The following AMBRA1 variants were observed in gnomAD, a reference collection of about 807,000 sequenced individuals.
AMBRA1 encodes autophagy and beclin 1 regulator 1.
In AMBRA1, 47 loss-of-function variants were observed where a neutral mutation model predicts 125.4. That is an observed-to-expected ratio of 0.37 (90% confidence interval 0.30 to 0.48). The LOEUF (loss-of-function observed/expected upper bound fraction) is 0.48, where lower values mean the gene tolerates loss of function less well. AMBRA1 is among the 20% of genes least tolerant of loss of function. The pLI, the probability that AMBRA1 is intolerant of heterozygous loss-of-function variation, is 0.99. For missense variants in AMBRA1, 1,331 were observed against 1,693.4 expected, an observed-to-expected ratio of 0.79 and a Z score of 3.76; for synonymous variants, 626 against 655.5, an observed-to-expected ratio of 0.95 and a Z score of 0.69.
chr11:46,411,120 A>G (rs1946274409), intron 15 of AMBRA1, among the ~76,000 whole-genome samples: 1 of 151,332 alleles, frequency 6.6e-6, no homozygotes, highest in African/African-American at 2.4e-5. Flanking sequence ...AAAAAGAAAA[A>G]AAAAAAAAAG....
chr11:46,498,755 A>G (rs1477642387), intron 9 of AMBRA1, among the ~76,000 whole-genome samples: 1 of 152,180 alleles, frequency 6.6e-6, no homozygotes, highest in Non-Finnish European at 1.5e-5. Context: ...GCCTTTATAA[A>G]TGAAGCTCTT....
intron 9 of AMBRA1, among the ~76,000 whole-genome samples, chr11:46,502,298 T>C (rs937466594): frequency 1.3e-5 from 2 of 152,206 alleles, no homozygotes; most frequent in African/African-American, 4.8e-5. Context: ...TGTAGATGGC[T>C]GGCTGATTCC....
intron 11 of AMBRA1, among the ~76,000 whole-genome samples, chr11:46,445,019 TATC>T (rs1291033766): frequency 7.1e-6 from 1 of 141,520 alleles, no homozygotes; most frequent in African/African-American, 2.6e-5. Context: ...ACATGGGAAA[TATC>T]ATCCCCATGG....
chr11:46,460,708 A>G (rs147138691), intron 11 of AMBRA1, among the ~76,000 whole-genome samples: 2 of 152,256 alleles, frequency 1.3e-5, no homozygotes, highest in East Asian at 1.9e-4. Context: ...AACCAAAGTC[A>G]TAAGAGCAGA....
At chr11:46,531,540 T>C (rs1297196711) in intron 7 of AMBRA1, among the ~76,000 whole-genome samples, 1 of 151,690 alleles carries the variant, frequency 6.6e-6, no homozygotes, top group Admixed American at 6.6e-5. Flanking sequence ...CGAAACCCTG[T>C]CTCTACTAAA....
intron 1 of AMBRA1, among the ~76,000 whole-genome samples, chr11:46,572,272 G>A (rs2135279042): frequency 6.6e-6 from 1 of 152,172 alleles, no homozygotes; most frequent in East Asian, 1.9e-4. Context: ...CTGCACTCCA[G>A]CCTGGTGATA....
chr11:46,439,597 AATG>A (rs1300187825), intron 12 of AMBRA1, among the ~76,000 whole-genome samples: 1 of 152,198 alleles, frequency 6.6e-6, no homozygotes, highest in East Asian at 1.9e-4. Context: ...TGATCTCCCT[AATG>A]ATGACACAAA....
At chr11:46,580,240 G>T (rs1036721151) in intron 1 of AMBRA1, among the ~76,000 whole-genome samples, 1 of 152,076 alleles carries the variant, frequency 6.6e-6, no homozygotes, top group African/African-American at 2.4e-5. Context: ...ATTTTCTCTT[G>T]AATTCCTTGG....
intron 14 of AMBRA1, among the ~76,000 whole-genome samples, chr11:46,426,203 G>C (rs908315374): frequency 6.6e-6 from 1 of 152,142 alleles, no homozygotes; most frequent in African/African-American, 2.4e-5. Context: ...TAGTGGTGGT[G>C]AGCAGGGTGC....
chr11:46,437,897 T>C (rs993154287), intron 12 of AMBRA1, among the ~76,000 whole-genome samples: 1 of 152,160 alleles, frequency 6.6e-6, no homozygotes, highest in African/African-American at 2.4e-5. Flanking sequence ...TGGTGCTCCA[T>C]ACCTTGTGTG....
At chr11:46,575,945 A>G (rs539063974) in intron 1 of AMBRA1, among the ~76,000 whole-genome samples, 1 of 152,300 alleles carries the variant, frequency 6.6e-6, no homozygotes, top group Admixed American at 6.5e-5. Flanking sequence ...TATTAATAAC[A>G]TGTTCCCATT....
rs140958502 is a variant in AMBRA1, at chr11:46,549,838, G to A, written c.-120-1338C>T. On this transcript the variant is annotated intron_variant, in intron 1 of 17. Coordinates refer to ENST00000683756, the MANE Select transcript of AMBRA1 (RefSeq NM_001387011.1). Reference sequence around the variant, plus strand: ...TTCTTTCTTTTTTGGGGGGGGTGGGGGACAGAGTCTCACTCTGTGGCCCCA... The same window carrying A: ...TTCTTTCTTTTTTGGGGGGGGTGGGAGACAGAGTCTCACTCTGTGGCCCCA... 4.3e-3 allele frequency among the ~76,000 whole-genome samples: 654 copies of A among 151,756 alleles called. 3 individuals carry two copies. The highest frequency in any genetic ancestry group is 0.015 in the African/African-American group (609 of 41,392).
intron 11 of AMBRA1, among the ~76,000 whole-genome samples, chr11:46,479,024 C>T (rs1949946238): frequency 6.6e-6 from 1 of 152,070 alleles, no homozygotes; most frequent in African/African-American, 2.4e-5. Flanking sequence ...CACAGTGAAA[C>T]CCTGTCTCTA....
chr11:46,527,222 G>A (rs1034382292), intron 7 of AMBRA1, among the ~76,000 whole-genome samples: 8 of 152,040 alleles, frequency 5.3e-5, no homozygotes, highest in African/African-American at 1.7e-4. Context: ...GCTCACTCCT[G>A]TAATCCCTGC....
intron 7 of AMBRA1, chr11:46,530,611 G>C (rs574579735): frequency 5.3e-5 from 8 of 152,332 alleles, no homozygotes; most frequent in Admixed American, 3.3e-4. Flanking sequence ...ACTAGAGAGA[G>C]AGCAAGTGCA....
At chr11:46,558,772 TA>T (rs1565295604) in intron 1 of AMBRA1, among the ~76,000 whole-genome samples, 2 of 152,176 alleles carry the variant, frequency 1.3e-5, no homozygotes, top group South Asian at 4.1e-4. Flanking sequence ...TCGTTCTTCC[TA>T]AGTAGATTAT....
intron 14 of AMBRA1, among the ~76,000 whole-genome samples, chr11:46,418,276 T>G (rs1199404250): frequency 1.4e-5 from 2 of 143,782 alleles, no homozygotes; most frequent in Non-Finnish European, 3.0e-5. Flanking sequence ...ATATAATATG[T>G]TTTATTATTT....
chr11:46,559,678 T>C (rs566972073), intron 1 of AMBRA1, among the ~76,000 whole-genome samples: 170 of 152,316 alleles, frequency 1.1e-3, no homozygotes, highest in Middle Eastern at 0.01. Context: ...TCTGGGGATA[T>C]AGGAGTATCA....
intron 8 of AMBRA1, among the ~76,000 whole-genome samples, chr11:46,510,781 T>A (rs1489473776): frequency 6.6e-6 from 1 of 152,154 alleles, no homozygotes; most frequent in African/African-American, 2.4e-5. Flanking sequence ...TGCTGAGGTG[T>A]CTCACTAAGG....
Sources: gnomAD v4.1 joint callset for allele counts (sites outside exome capture counted in the v4.1 genomes callset) on GRCh38, gnomAD v4.1.1 for gene constraint, MANE v1.5 for transcripts, NCBI Gene and HGNC (gene_info 2026-07-23, HGNC 2026-07-21) for gene names.